CSMD1: variants seen among roughly 807,000 people sequenced by gnomAD.
CSMD1 encodes the protein CUB and sushi domain-containing protein 1.
CSMD1 carries 213 observed loss-of-function variants against 417.5 expected under a neutral mutation model. The observed-to-expected ratio is 0.51, with a 90% CI of 0.46 to 0.57. The LOEUF is 0.57. Ranked by LOEUF, CSMD1 falls within the 20% of genes least tolerant of loss-of-function variation. The probability of loss-of-function intolerance (pLI) is 0.00; values close to 1 mark genes in which losing one functional copy is unlikely to be tolerated. For missense variants in CSMD1, 6,923 were observed against 4,529.7 expected (o/e 1.53, Z -15.17); for synonymous variants, 2,862 against 1,736.8 (o/e 1.65, Z -16.11).
chr8:4,394,927 T>A (rs1804098673), intron 3 of CSMD1, among the ~76,000 whole-genome samples: 1 of 152,172 alleles, frequency 6.6e-6, no homozygotes, highest in African/African-American at 2.4e-5. Context: ...GTGCACTGAA[T>A]CTCAACTCAC....
chr8:4,209,402 G>T (rs991833658), intron 3 of CSMD1, among the ~76,000 whole-genome samples: 3 of 152,116 alleles, frequency 2.0e-5, no homozygotes, highest in Admixed American at 2.0e-4. Flanking sequence ...ACTCTCCAGG[G>T]TTCCTGTGGA....
intron 7 of CSMD1, among the ~76,000 whole-genome samples, chr8:3,668,409 C>G (rs1349706742): frequency 1.3e-5 from 2 of 152,112 alleles, no homozygotes; most frequent in African/African-American, 2.4e-5. Context: ...TTTAAGATAA[C>G]TCAGGTAGCT....
intron 2 of CSMD1, among the ~76,000 whole-genome samples, chr8:4,581,360 C>T (rs1014414733): frequency 2.0e-5 from 3 of 152,124 alleles, no homozygotes; most frequent in Non-Finnish European, 4.4e-5. Flanking sequence ...CTTACTACCT[C>T]TCGATATACT....
chr8:4,124,582 T>C (rs952008567), intron 3 of CSMD1, among the ~76,000 whole-genome samples: 14 of 152,138 alleles, frequency 9.2e-5, no homozygotes, highest in Non-Finnish European at 1.9e-4. Context: ...GTGGGGACCA[T>C]CTGGGGTTTC....
chr8:4,403,320 C>T (rs1804778019), intron 3 of CSMD1, among the ~76,000 whole-genome samples: 1 of 152,146 alleles, frequency 6.6e-6, no homozygotes, highest in African/African-American at 2.4e-5. Context: ...TATTCCATTT[C>T]CTTACATTTC....
chr8:3,831,496 G>A (rs1802374464), intron 5 of CSMD1, among the ~76,000 whole-genome samples: 2 of 152,280 alleles, frequency 1.3e-5, no homozygotes, highest in South Asian at 2.1e-4. Context: ...AGCCCACAGT[G>A]TAGATGCTTA....
intron 1 of CSMD1, among the ~76,000 whole-genome samples, chr8:4,707,669 C>G (rs1163074047): frequency 6.6e-6 from 1 of 151,818 alleles, no homozygotes; most frequent in Non-Finnish European, 1.5e-5. Context: ...GGCGGATCAC[C>G]TGAGGTCAGG....
intron 12 of CSMD1, among the ~76,000 whole-genome samples, chr8:3,464,431 G>A (rs886814714): frequency 6.6e-6 from 1 of 151,868 alleles, no homozygotes; most frequent in Admixed American, 6.6e-5. Context: ...ATTTTCTGTG[G>A]ACTAACAATC....
chr8:4,379,202 C>A (rs1030606956), intron 3 of CSMD1, among the ~76,000 whole-genome samples: 1 of 152,158 alleles, frequency 6.6e-6, no homozygotes, highest in Non-Finnish European at 1.5e-5. Flanking sequence ...CCCCCAAGTT[C>A]ATAAATTCAA....
intron 7 of CSMD1, among the ~76,000 whole-genome samples, chr8:3,687,990 G>C (rs1231473466): frequency 6.6e-6 from 1 of 152,140 alleles, no homozygotes; most frequent in Non-Finnish European, 1.5e-5. Context: ...TGAATTTTAA[G>C]GCTTCTCTCT....
Position 4,096,918 on chromosome 8 carries a change from T to A in CSMD1, c.416-64819A>T, listed in dbSNP as rs1027172255. ...CAGTTGCCTCAGTTTTATACATAAT[T>A]GCAGAGCAAACACCCCAAAAACAAA... On this transcript the variant is annotated intron_variant, in intron 3 of 69. Coordinates refer to ENST00000635120, the MANE Select transcript of CSMD1 (RefSeq NM_033225.6). Among the ~76,000 whole-genome samples the A allele has an allele frequency of 3.9e-5, 6 of 152,164 alleles. No homozygotes were observed. In the South Asian group the frequency reaches 1.2e-3, roughly 31 times the overall value.
chr8:3,900,788 G>T lies in CSMD1; in HGVS notation c.818+97115C>A, dbSNP rs1224389846. ...CAGCTGGGTGACACTGTAGCTGGGTGACACAGCAGCTGGTTGACACTGCAG... is the reference window on the plus strand; with the variant it reads ...CAGCTGGGTGACACTGTAGCTGGGTTACACAGCAGCTGGTTGACACTGCAG... On this transcript the variant is annotated intron_variant, in intron 5 of 69. Transcript: ENST00000635120. 2.0e-5 allele frequency among the ~76,000 whole-genome samples: 3 copies of T among 152,192 alleles called. No individual in the cohort carries two copies. The South Asian group carries it at 6.2e-4, about 31-fold the overall frequency.
chr8:3,139,952 G>C lies in CSMD1; in HGVS notation c.6241+2513C>G, dbSNP rs546705395. Among the ~76,000 whole-genome samples, 87 of 146,294 alleles carry C rather than the reference G, an allele frequency of 5.9e-4. 1 individual carries two copies. The highest frequency in any genetic ancestry group is 2.1e-3 in the African/African-American group (82 of 39,660). The stretch of plus-strand genomic sequence containing the variant: ...GAGTCTCCCTCTGTCACCCAGACTG[G>C]AGTGCAATGGTGTGATCTTGGCTCA... On this transcript the variant is annotated intron_variant, in intron 41 of 69. Coordinates refer to ENST00000635120, the MANE Select transcript of CSMD1 (RefSeq NM_033225.6).
chr8:4,458,454 A>C (rs1391755710), intron 2 of CSMD1, among the ~76,000 whole-genome samples: 1 of 152,168 alleles, frequency 6.6e-6, no homozygotes, highest in African/African-American at 2.4e-5. Context: ...TCTGAAGTTA[A>C]AGTTATGTGT....
chr8:3,266,916 G>A (rs1182140784), intron 26 of CSMD1, among the ~76,000 whole-genome samples: 1 of 152,172 alleles, frequency 6.6e-6, no homozygotes, highest in South Asian at 2.1e-4. Context: ...GAATAACTTA[G>A]AGGTCAAGAA....
intron 5 of CSMD1, among the ~76,000 whole-genome samples, chr8:3,862,057 T>C (rs1804749245): frequency 6.6e-6 from 1 of 152,212 alleles, no homozygotes; most frequent in African/African-American, 2.4e-5. Context: ...ATCAAAGTTT[T>C]CTCTCCCATG....
In CSMD1 at chr8:3,632,817, G is replaced by C. The variant is rs569278998; in HGVS notation, c.1010-16020C>G. ...TCCTGTTTCAGGTGCAAAGACATCT[G>C]TGTCTATTGGTTCCCCTTCAGAGAT... is the stretch of plus-strand genomic sequence containing the variant. On this transcript the variant is annotated intron_variant, in intron 7 of 69. Transcript: ENST00000635120. 5.3e-5 allele frequency among the ~76,000 whole-genome samples: 8 copies of C among 152,288 alleles called. No individual in the cohort carries two copies. In the South Asian group the frequency reaches 1.5e-3, roughly 28 times the overall value.
At chr8:4,832,132 C>A (rs576709921) in intron 1 of CSMD1, among the ~76,000 whole-genome samples, 1 of 152,174 alleles carries the variant, frequency 6.6e-6, no homozygotes, top group Non-Finnish European at 1.5e-5. Flanking sequence ...TGGCATGTAT[C>A]TCTGTTTTCC....
At chr8:3,451,490 G>A (rs1171477017) in intron 12 of CSMD1, among the ~76,000 whole-genome samples, 1 of 152,164 alleles carries the variant, frequency 6.6e-6, no homozygotes, top group African/African-American at 2.4e-5. Context: ...ATTAATTTTT[G>A]TATAAGGTGT....
Sources: gnomAD v4.1 joint callset for allele counts (sites outside exome capture counted in the v4.1 genomes callset) on GRCh38, gnomAD v4.1.1 for gene constraint, MANE v1.5 for transcripts, NCBI Gene and HGNC (gene_info 2026-07-23, HGNC 2026-07-21) for gene names.